The following BCKDHB variants were observed in gnomAD, a reference collection of about 807,000 sequenced individuals.
BCKDHB encodes 2-oxoisovalerate dehydrogenase subunit beta, mitochondrial.
Under a neutral mutation model 48.5 loss-of-function variants are expected in BCKDHB, and 41 were observed. That is an observed-to-expected ratio of 0.85 (90% CI 0.66 to 1.10). The LOEUF (loss-of-function observed/expected upper bound fraction) is 1.10. BCKDHB is among the 50% of genes least tolerant of loss of function. The pLI is 0.00. For synonymous variants in BCKDHB, 201 were observed against 174.8 expected, an observed-to-expected ratio of 1.15 and a Z score of -1.18; for missense variants, 496 against 494.2, an observed-to-expected ratio of 1.00 and a Z score of -0.03.
At chr6:80,204,298 A>G (rs1300167236) in intron 8 of BCKDHB, among the ~76,000 whole-genome samples, 1 of 152,138 alleles carries the variant, frequency 6.6e-6, no homozygotes, top group Non-Finnish European at 1.5e-5. Flanking sequence ...GTGAAGACTC[A>G]CTTGACACCA....
chr6:80,400,452 C>CA, the BCKDHB span, among the ~76,000 whole-genome samples: 3 of 151,736 alleles, frequency 2.0e-5, no homozygotes, highest in South Asian at 2.1e-4. Context: ...TACATACCAC[C>CA]AAAAAATCAT....
At chr6:80,385,869 G>A in the BCKDHB span, among the ~76,000 whole-genome samples, 1 of 152,242 alleles carries the variant, frequency 6.6e-6, no homozygotes, top group African/African-American at 2.4e-5. Flanking sequence ...GCAACATAGA[G>A]TTGGATCAGG....
chr6:80,459,900 A>T, the BCKDHB span, among the ~76,000 whole-genome samples: 157 of 152,270 alleles, frequency 1.0e-3, 2 homozygotes, highest in African/African-American at 3.6e-3. Flanking sequence ...TCTTGGATCC[A>T]TAAGCCATTT....
the BCKDHB span, among the ~76,000 whole-genome samples, chr6:80,366,769 C>A: frequency 6.6e-6 from 1 of 152,234 alleles, no homozygotes; most frequent in East Asian, 1.9e-4. Flanking sequence ...TTTTTCACTC[C>A]TTACTCCTTT....
intron 9 of BCKDHB, among the ~76,000 whole-genome samples, chr6:80,306,265 A>G (rs189335486): frequency 1.3e-5 from 2 of 152,354 alleles, no homozygotes; most frequent in East Asian, 3.9e-4. Context: ...AGTGATAAAC[A>G]CAATAACATA....
intron 9 of BCKDHB, among the ~76,000 whole-genome samples, chr6:80,333,559 C>T (rs896706616): frequency 2.0e-5 from 3 of 151,930 alleles, no homozygotes; most frequent in Admixed American, 6.6e-5. Flanking sequence ...CAATTATGCA[C>T]GGAATTGTTT....
chr6:80,316,739 A>T (rs1768465556), intron 9 of BCKDHB, among the ~76,000 whole-genome samples: 1 of 152,194 alleles, frequency 6.6e-6, no homozygotes, highest in South Asian at 2.1e-4. Context: ...GCTAGTTATT[A>T]TTTCCCTGCA....
At chr6:80,133,161 A>G (rs1466494582) in intron 3 of BCKDHB, among the ~76,000 whole-genome samples, 2 of 152,208 alleles carry the variant, frequency 1.3e-5, no homozygotes, top group African/African-American at 4.8e-5. Context: ...AAATGAGAAC[A>G]TCCCTGTTGG....
chr6:80,390,378 T>C, the BCKDHB span, among the ~76,000 whole-genome samples: 1 of 152,130 alleles, frequency 6.6e-6, no homozygotes, highest in South Asian at 2.1e-4. Context: ...GAATACAGAA[T>C]GGGTAGTAGA....
the BCKDHB span, among the ~76,000 whole-genome samples, chr6:80,451,819 G>C: frequency 6.6e-6 from 1 of 151,960 alleles, no homozygotes; most frequent in African/African-American, 2.4e-5. Context: ...CAAGGTCCTG[G>C]GCCAGTCTTT....
intron 9 of BCKDHB, among the ~76,000 whole-genome samples, chr6:80,326,865 C>CAAAAG (rs1262211892): frequency 2.6e-5 from 4 of 151,304 alleles, no homozygotes; most frequent in Admixed American, 6.6e-5. Context: ...GACTCAGTCT[C>CAAAAG]AAAAGAAAAG....
the BCKDHB span, among the ~76,000 whole-genome samples, chr6:80,427,859 T>C: frequency 6.6e-6 from 1 of 152,142 alleles, no homozygotes; most frequent in African/African-American, 2.4e-5. Context: ...TAATGTGTTT[T>C]CCCCTTCCTC....
At chr6:80,361,670 A>G in the BCKDHB span, among the ~76,000 whole-genome samples, 7 of 152,196 alleles carry the variant, frequency 4.6e-5, no homozygotes, top group Non-Finnish European at 8.8e-5. Context: ...CTTCAGCAAA[A>G]TTCTTCAAGT....
intron 8 of BCKDHB, among the ~76,000 whole-genome samples, chr6:80,272,748 G>A (rs1217126000): frequency 1.3e-5 from 2 of 151,980 alleles, no homozygotes; most frequent in Admixed American, 6.6e-5. Context: ...TGTTATTTAT[G>A]TGCAAACAAA....
At chr6:80,280,954 C>G (rs1344859621) in intron 9 of BCKDHB, among the ~76,000 whole-genome samples, 1 of 151,780 alleles carries the variant, frequency 6.6e-6, no homozygotes, top group African/African-American at 2.4e-5. Flanking sequence ...AGCTTGGTTT[C>G]TAGGTTGGAT....
chr6:80,157,421 A>G (rs1772095095), intron 3 of BCKDHB, among the ~76,000 whole-genome samples: 1 of 150,734 alleles, frequency 6.6e-6, no homozygotes. Context: ...CACTATGTAC[A>G]AGGGATTGTT....
At chr6:80,213,789 A>G (rs565222516) in intron 8 of BCKDHB, among the ~76,000 whole-genome samples, 57 of 151,178 alleles carry the variant, frequency 3.8e-4, no homozygotes, top group African/African-American at 1.4e-3. Flanking sequence ...TCTTTTAAAC[A>G]TAGGTTATGT....
intron 6 of BCKDHB, among the ~76,000 whole-genome samples, chr6:80,191,502 G>A (rs181532585): frequency 2.4e-4 from 37 of 152,122 alleles, no homozygotes; most frequent in Admixed American, 4.6e-4. Flanking sequence ...ATGATTTAAA[G>A]TCATCTACCC....
At chr6:80,309,448 C>T (rs1768045879) in intron 9 of BCKDHB, among the ~76,000 whole-genome samples, 1 of 152,130 alleles carries the variant, frequency 6.6e-6, no homozygotes, top group South Asian at 2.1e-4. Context: ...CTCATACTTT[C>T]TACAGTCTCA....
Sources: gnomAD v4.1 joint callset for allele counts (sites outside exome capture counted in the v4.1 genomes callset) on GRCh38, gnomAD v4.1.1 for gene constraint, MANE v1.5 for transcripts, NCBI Gene and HGNC (gene_info 2026-07-23, HGNC 2026-07-21) for gene names.